The following SYTL2 variants were observed in gnomAD, a reference collection of about 807,000 sequenced individuals.
SYTL2 encodes synaptotagmin like 2.
SYTL2 carries 165 observed loss-of-function variants against 198.7 expected under a neutral mutation model. The observed-to-expected ratio is 0.83, with a 90% CI of 0.73 to 0.94. SYTL2 has a LOEUF of 0.94. Among genes scored for constraint, SYTL2 ranks in the 40% least tolerant of loss-of-function variants. The probability of loss-of-function intolerance (pLI) is 0.00; values close to 1 mark genes in which losing one functional copy is unlikely to be tolerated. For synonymous variants in SYTL2, 966 were observed against 917.7 expected, an observed-to-expected ratio of 1.05 and a Z score of -0.95; for missense variants, 2,835 against 2,582.8, an observed-to-expected ratio of 1.10 and a Z score of -2.12.
the SYTL2 span, among the ~76,000 whole-genome samples, chr11:85,820,394 A>G: frequency 1.3e-5 from 2 of 152,246 alleles, no homozygotes; most frequent in African/African-American, 4.8e-5. Flanking sequence ...ATGGCAAAAT[A>G]AAGATAAAGA....
Position 85,788,484 on chromosome 11 carries a change from T to C in SYTL2, c.-390+22470A>G, listed in dbSNP as rs558096169. On this transcript the variant is annotated intron_variant, in intron 1 of 19. Coordinates refer to ENST00000359152, the MANE Select transcript of SYTL2 (RefSeq NM_206927.4). ...GAACCAATTGCTTATAAATATGTTG[T>C]GAAGCTGTGAAATATACACAAGTTG... Among the ~76,000 whole-genome samples the C allele has an allele frequency of 7.1e-4, 108 of 152,284 alleles. No homozygotes were observed. In the Middle Eastern group the frequency reaches 0.02, roughly 29 times the overall value.
chr11:85,777,897 T>G (rs1463416983), intron 1 of SYTL2, among the ~76,000 whole-genome samples: 1 of 138,534 alleles, frequency 7.2e-6, no homozygotes, highest in South Asian at 2.5e-4. Context: ...CTCGGCTCAC[T>G]GCAACCTCTG....
intron 11 of SYTL2, chr11:85,715,216 T>TA (rs1225566078): frequency 1.3e-5 from 2 of 152,130 alleles, no homozygotes; most frequent in Non-Finnish European, 2.9e-5. Flanking sequence ...GTGTAGAAGG[T>TA]ACAAGAAGAG....
chr11:85,848,158 T>C, the SYTL2 span, among the ~76,000 whole-genome samples: 2 of 152,106 alleles, frequency 1.3e-5, no homozygotes, highest in African/African-American at 4.8e-5. Flanking sequence ...GAGGATCACT[T>C]AAGCTTGAGA....
At chr11:85,833,084 AAAGAAAGAAAGAAAGAAGGAAGG>A in the SYTL2 span, among the ~76,000 whole-genome samples, 1 of 58,062 alleles carries the variant, frequency 1.7e-5, no homozygotes, top group Non-Finnish European at 3.9e-5. Flanking sequence ...AGAAAGAAAG[AAAGAAAGAAAGAAAGAAGGAAGG>A]AAGGAAGGAA....
At chr11:85,720,406 C>A (rs2088115425) in intron 9 of SYTL2, among the ~76,000 whole-genome samples, 1 of 152,176 alleles carries the variant, frequency 6.6e-6, no homozygotes, top group Non-Finnish European at 1.5e-5. Flanking sequence ...CATTTCTGAG[C>A]TTCATTTTCC....
At chr11:85,810,012 G>A (rs2093009733) in intron 1 of SYTL2, among the ~76,000 whole-genome samples, 2 of 152,310 alleles carry the variant, frequency 1.3e-5, no homozygotes, top group African/African-American at 4.8e-5. Context: ...GTGGGGAATG[G>A]CTGCCAACAA....
At chr11:85,748,126 G>A in intron 3 of SYTL2, 146 bp downstream of exon 3, 1 of 957,796 alleles carries the variant, frequency 1.0e-6, no homozygotes, top group Non-Finnish European at 1.6e-6. Flanking sequence ...TCCAAGGCAA[G>A]GGAAATTTAA....
At chr11:85,737,265 G>C (rs1471848255) in intron 5 of SYTL2, among the ~76,000 whole-genome samples, 1 of 152,118 alleles carries the variant, frequency 6.6e-6, no homozygotes, top group Non-Finnish European at 1.5e-5. Flanking sequence ...TAGGAATAAG[G>C]ACTGACATGG....
At chr11:85,701,558 G>A (rs988994183) in intron 16 of SYTL2, among the ~76,000 whole-genome samples, 4 of 152,186 alleles carry the variant, frequency 2.6e-5, no homozygotes, top group African/African-American at 4.8e-5. Context: ...TATCAGAAAC[G>A]TAATGGTAGC....
intron 15 of SYTL2, among the ~76,000 whole-genome samples, chr11:85,705,896 A>T (rs2085060776): frequency 6.6e-6 from 1 of 152,204 alleles, no homozygotes; most frequent in Admixed American, 6.5e-5. Context: ...CAAAAATTCT[A>T]CAGGTGGTTA....
chr11:85,796,762 T>G (rs187005324), intron 1 of SYTL2, among the ~76,000 whole-genome samples: 1 of 152,366 alleles, frequency 6.6e-6, no homozygotes, highest in East Asian at 1.9e-4. Context: ...GTAGGCAATT[T>G]GCCTCAACTT....
At chr11:85,761,904 C>T (rs1236826939) in intron 1 of SYTL2, among the ~76,000 whole-genome samples, 2 of 152,204 alleles carry the variant, frequency 1.3e-5, no homozygotes, top group East Asian at 1.9e-4. Flanking sequence ...AGTGATCTGC[C>T]GGCCTCGGCC....
chr11:85,840,126 T>C, the SYTL2 span, among the ~76,000 whole-genome samples: 1 of 152,202 alleles, frequency 6.6e-6, no homozygotes, highest in African/African-American at 2.4e-5. Context: ...CCATTTCTTA[T>C]CAGATTATTA....
rs569370057 is a variant in SYTL2 at position 85,758,988 on chromosome 11, T to C, written c.-389-874A>G. 8.5e-5 allele frequency among the ~76,000 whole-genome samples: 13 copies of C among 152,320 alleles called. No individual in the cohort carries two copies. In the South Asian group the frequency reaches 2.7e-3, roughly 32 times the overall value. The stretch of plus-strand genomic sequence containing the variant: ...GGCTGGGTGCAGTGGTTCATGCCTG[T>C]AATCCTAGCACTTTGGGAGGCCAAG... On this transcript the variant is annotated intron_variant, in intron 1 of 19. Coordinates refer to ENST00000359152, the MANE Select transcript of SYTL2 (RefSeq NM_206927.4).
At chr11:85,741,258 T>C (rs891617592) in intron 4 of SYTL2, among the ~76,000 whole-genome samples, 4 of 152,052 alleles carry the variant, frequency 2.6e-5, no homozygotes, top group Non-Finnish European at 5.9e-5. Context: ...CATGAACAAA[T>C]GAGCAAACAA....
intron 8 of SYTL2, among the ~76,000 whole-genome samples, chr11:85,722,454 G>A (rs911991126): frequency 7.9e-5 from 12 of 152,196 alleles, no homozygotes; most frequent in Admixed American, 5.9e-4. Context: ...GATTACAGGC[G>A]TGAGCCACCG....
At chr11:85,777,063 T>C (rs2092464072) in intron 1 of SYTL2, among the ~76,000 whole-genome samples, 1 of 152,162 alleles carries the variant, frequency 6.6e-6, no homozygotes, top group African/African-American at 2.4e-5. Flanking sequence ...TAGTACAGCT[T>C]TGGAGAGGGT....
chr11:85,787,231 G>A (rs1269123365), intron 1 of SYTL2, among the ~76,000 whole-genome samples: 1 of 152,096 alleles, frequency 6.6e-6, no homozygotes, highest in African/African-American at 2.4e-5. Context: ...TGTAAAATGT[G>A]GGATAATATT....
Sources: allele counts gnomAD v4.1 joint callset (sites outside exome capture counted in the v4.1 genomes callset), GRCh38; gene constraint gnomAD v4.1.1; transcripts MANE v1.5; gene names NCBI Gene and HGNC (gene_info 2026-07-23, HGNC 2026-07-21).